The following CCDC178 variants were observed in gnomAD, a reference collection of about 807,000 sequenced individuals.
The protein encoded by CCDC178 is coiled-coil domain-containing protein 178.
Under a neutral mutation model 117.4 loss-of-function variants are expected in CCDC178, and 126 were observed. The observed-to-expected ratio is 1.07, with a 90% CI of 0.93 to 1.24. CCDC178 has a LOEUF of 1.24. CCDC178 is among the 50% of genes most tolerant of loss of function. CCDC178 has a pLI of 0.00. For synonymous variants in CCDC178, 283 were observed against 313.4 expected (o/e 0.90, Z 1.02); for missense variants, 1,030 against 986.9 (o/e 1.04, Z -0.59).
At chr18:33,336,981 C>A (rs2062749107) in intron 9 of CCDC178, among the ~76,000 whole-genome samples, 1 of 151,942 alleles carries the variant, frequency 6.6e-6, no homozygotes, top group Non-Finnish European at 1.5e-5. Flanking sequence ...TTGTATGTTG[C>A]TTTTGGCCAT....
In CCDC178 at chr18:33,315,517, C is replaced by G. The variant is rs533037145; in HGVS notation, c.1022+7974G>C. On this transcript the variant is annotated intron_variant, in intron 11 of 22. Transcript: ENST00000383096. ...TGATCTTCAGGCTCTGTCTCCTAAA[C>G]TCTCTGATCTCTTTTATGTATAAGC... Among the ~76,000 whole-genome samples, 3 of 152,260 alleles carry G rather than the reference C, an allele frequency of 2.0e-5. No homozygotes were observed. The South Asian group carries it at 6.2e-4, about 32-fold the overall frequency.
chr18:33,232,642 A>G lies in CCDC178; in HGVS notation c.1594-5787T>C, dbSNP rs1013738686. Among the ~76,000 whole-genome samples the G allele has an allele frequency of 7.9e-5, 12 of 152,314 alleles. No homozygotes were observed. In the East Asian group the frequency reaches 2.3e-3, roughly 29 times the overall value. The stretch of plus-strand genomic sequence containing the variant: ...ATAGGTGGCAGCCCAACCTGATTCT[A>G]TCTGAAAATAGGACATGACACTATG... On this transcript the variant is annotated intron_variant, in intron 15 of 22. Coordinates refer to ENST00000383096, the MANE Select transcript of CCDC178 (RefSeq NM_001105528.4).
At chr18:33,162,670 G>A (rs564040820) in intron 20 of CCDC178, among the ~76,000 whole-genome samples, 7 of 152,248 alleles carry the variant, frequency 4.6e-5, no homozygotes, top group East Asian at 1.9e-4. Context: ...ATTTATAAGT[G>A]AGAACACGAG....
intron 12 of CCDC178, among the ~76,000 whole-genome samples, chr18:33,280,118 C>A (rs371166066): frequency 7.3e-5 from 11 of 150,978 alleles, no homozygotes; most frequent in Non-Finnish European, 1.0e-4. Flanking sequence ...TAATTAAACT[C>A]AAGAGCTTCT....
chr18:32,972,160 T>C (rs1039707396), intron 22 of CCDC178, among the ~76,000 whole-genome samples: 1 of 152,134 alleles, frequency 6.6e-6, no homozygotes, highest in African/African-American at 2.4e-5. Context: ...GGGTTCTACA[T>C]TTAAATTTTC....
intron 21 of CCDC178, among the ~76,000 whole-genome samples, chr18:33,055,347 T>C (rs1345204636): frequency 6.6e-6 from 1 of 152,144 alleles, no homozygotes; most frequent in Non-Finnish European, 1.5e-5. Flanking sequence ...TCTTTTTCTT[T>C]TTTTTAAGAC....
chr18:33,281,893 A>T (rs937279601), intron 12 of CCDC178, among the ~76,000 whole-genome samples: 2 of 152,232 alleles, frequency 1.3e-5, no homozygotes, highest in Admixed American at 6.5e-5. Flanking sequence ...TTAAAAATTA[A>T]AGCACACTTA....
chr18:33,185,588 A>G (rs1411909994), intron 20 of CCDC178, among the ~76,000 whole-genome samples: 4 of 152,088 alleles, frequency 2.6e-5, no homozygotes, highest in African/African-American at 9.7e-5. Context: ...CAAAATAAAA[A>G]TAAAGTCAAA....
intron 11 of CCDC178, among the ~76,000 whole-genome samples, chr18:33,321,746 A>C (rs1229209320): frequency 1.3e-5 from 2 of 151,964 alleles, no homozygotes; most frequent in Non-Finnish European, 2.9e-5. Flanking sequence ...AAAAGGCAAT[A>C]AAAAAGAAAA....
At chr18:33,372,564 C>T (rs1031291557) in intron 5 of CCDC178, among the ~76,000 whole-genome samples, 4 of 152,038 alleles carry the variant, frequency 2.6e-5, no homozygotes, top group Admixed American at 1.3e-4. Flanking sequence ...TTAAGCTCGG[C>T]GAGACTTTCA....
chr18:33,224,270 T>C (rs1010118099), intron 17 of CCDC178, among the ~76,000 whole-genome samples: 2 of 152,130 alleles, frequency 1.3e-5, no homozygotes, highest in East Asian at 3.9e-4. Flanking sequence ...TAATACATGT[T>C]TTTCGACTAA....
At chr18:33,086,266 C>A (rs2057376489) in intron 21 of CCDC178, among the ~76,000 whole-genome samples, 1 of 151,584 alleles carries the variant, frequency 6.6e-6, no homozygotes, top group Non-Finnish European at 1.5e-5. Flanking sequence ...TATTCTATAG[C>A]TTTATAGGTA....
chr18:32,970,322 C>A (rs1444062816), intron 22 of CCDC178, among the ~76,000 whole-genome samples: 1 of 151,780 alleles, frequency 6.6e-6, no homozygotes, highest in Non-Finnish European at 1.5e-5. Flanking sequence ...AACAAAATTT[C>A]TTTTTTTCTG....
intron 21 of CCDC178, among the ~76,000 whole-genome samples, chr18:33,088,184 A>T (rs1050427392): frequency 6.6e-6 from 1 of 150,938 alleles, no homozygotes; most frequent in Non-Finnish European, 1.5e-5. Context: ...TATGTCTTCT[A>T]TAGTATCTTT....
At chr18:33,281,846 G>T (rs1164326675) in intron 12 of CCDC178, among the ~76,000 whole-genome samples, 1 of 152,144 alleles carries the variant, frequency 6.6e-6, no homozygotes, top group Non-Finnish European at 1.5e-5. Context: ...CAATTAAAAA[G>T]TTTTAGAGAT....
At chr18:32,995,643 A>G (rs962279532) in intron 21 of CCDC178, among the ~76,000 whole-genome samples, 4 of 152,140 alleles carry the variant, frequency 2.6e-5, no homozygotes, top group African/African-American at 9.6e-5. Context: ...TCTAAAGAAT[A>G]TAAACTGCTA....
intron 8 of CCDC178, among the ~76,000 whole-genome samples, 173 bp from the exon 9 acceptor site, chr18:33,346,584 T>C (rs1786373684): frequency 6.6e-6 from 1 of 152,024 alleles, no homozygotes; most frequent in East Asian, 1.9e-4. Context: ...TAAGATTAAT[T>C]ATAAACTTTG....
chr18:33,216,586 T>C (rs1467963760), intron 18 of CCDC178, among the ~76,000 whole-genome samples: 1 of 152,070 alleles, frequency 6.6e-6, no homozygotes, highest in Admixed American at 6.6e-5. Flanking sequence ...TCTTCTATTT[T>C]CCCCATATGC....
At chr18:33,282,214 G>A (rs1223276536) in intron 12 of CCDC178, among the ~76,000 whole-genome samples, 1 of 152,162 alleles carries the variant, frequency 6.6e-6, no homozygotes, top group African/African-American at 2.4e-5. Context: ...CGGCAGGAAG[G>A]GACCCCTTGA....
Sources: gnomAD v4.1 joint callset for allele counts (sites outside exome capture counted in the v4.1 genomes callset) on GRCh38, gnomAD v4.1.1 for gene constraint, MANE v1.5 for transcripts, NCBI Gene and HGNC (gene_info 2026-07-23, HGNC 2026-07-21) for gene names.